PTGFRN: variants seen among roughly 807,000 people sequenced by gnomAD.
The protein encoded by PTGFRN is prostaglandin F2 receptor inhibitor, also known as prostaglandin F2 receptor negative regulator.
PTGFRN carries 35 observed loss-of-function variants against 83.2 expected under a neutral mutation model. That is an observed-to-expected ratio of 0.42 (90% confidence interval 0.32 to 0.56). The LOEUF (loss-of-function observed/expected upper bound fraction) is 0.56. Ranked by LOEUF, PTGFRN falls within the 20% of genes least tolerant of loss-of-function variation. The pLI, the probability that PTGFRN is intolerant of heterozygous loss-of-function variation, is 0.11. For missense variants in PTGFRN, 1,051 were observed against 1,179.5 expected, an observed-to-expected ratio of 0.89 and a Z score of 1.60; for synonymous variants, 519 against 498.6, an observed-to-expected ratio of 1.04 and a Z score of -0.55.
intron 1 of PTGFRN, among the ~76,000 whole-genome samples, chr1:116,913,952 A>G (rs915627012): frequency 2.0e-5 from 3 of 152,242 alleles, no homozygotes; most frequent in Admixed American, 1.3e-4. Flanking sequence ...TTAAGTGTCA[A>G]AAGCATTACA....
At chr1:116,927,247 G>T (rs1322411250) in intron 1 of PTGFRN, among the ~76,000 whole-genome samples, 1 of 152,090 alleles carries the variant, frequency 6.6e-6, no homozygotes, top group Non-Finnish European at 1.5e-5. Context: ...CCCTAACCTG[G>T]AACTACACAG....
chr1:116,934,934 G>T (rs907665556), intron 1 of PTGFRN, among the ~76,000 whole-genome samples: 2 of 152,220 alleles, frequency 1.3e-5, no homozygotes, highest in Non-Finnish European at 2.9e-5. Flanking sequence ...TATTCCAAGA[G>T]CATAGCCCTT....
intron 6 of PTGFRN, 79 bp from the exon 7 acceptor site, chr1:116,974,137 A>C: frequency 2.2e-5 from 24 of 1,079,112 alleles, no homozygotes; most frequent in Non-Finnish European, 3.3e-5. Context: ...CCACATTTTG[A>C]TGCCCCTTAG....
intron 5 of PTGFRN, 87 bp from the exon 6 acceptor site, chr1:116,966,824 T>A: frequency 7.2e-7 from 1 of 1,392,356 alleles, no homozygotes; most frequent in Non-Finnish European, 9.6e-7. Flanking sequence ...CAAATACATT[T>A]CTGTTTCTTG....
intron 2 of PTGFRN, among the ~76,000 whole-genome samples, chr1:116,943,240 A>G (rs1287222908): frequency 6.6e-6 from 1 of 152,232 alleles, no homozygotes; most frequent in African/African-American, 2.4e-5. Flanking sequence ...AGGTAATGAA[A>G]CACCCCATCT....
chr1:116,936,195 T>C (rs1401857487), intron 1 of PTGFRN, among the ~76,000 whole-genome samples: 5 of 152,126 alleles, frequency 3.3e-5, no homozygotes, highest in Non-Finnish European at 7.3e-5. Context: ...CCATATGCTC[T>C]ATTTTTTCCA....
At position 116,967,141 on chromosome 1, in the gene PTGFRN, C is replaced by T. The variant is rs764273287; in HGVS notation, c.1870C>T (p.Arg624Trp). 3.1e-6 allele frequency: 5 copies of T among 1,614,138 alleles called. No homozygotes were observed. Among genetic ancestry groups the T allele is most frequent in the South Asian group, 1.1e-5 (1 of 91,074 alleles). Residue 624 changes from arginine (R) to tryptophan (W), a missense_variant, in exon 6 of 9, where the codon CGG (arginine) becomes TGG (tryptophan). This residue lies in a region of PTGFRN where 719 missense variants were observed against 836.6 expected (regional missense o/e 0.86). Transcript: ENST00000393203. ...VKLENWTDAS[R>W]VDGVVLEKVQ... ...GCTGGAGAATTGGACAGATGCATCA[C>T]GGGTGGATGGCGTTGTTTTAGAAAA...
At chr1:116,946,733 A>G (rs926540379) in intron 3 of PTGFRN, among the ~76,000 whole-genome samples, 2 of 152,214 alleles carry the variant, frequency 1.3e-5, no homozygotes, top group Non-Finnish European at 2.9e-5. Flanking sequence ...CAGAATTAAC[A>G]TGTTTTAATT....
chr1:116,961,422 G>T lies in PTGFRN; in HGVS notation c.1393G>T (p.Ala465Ser). Residue 465 changes from alanine to serine, a missense_variant, in exon 5 of 9, where the codon GCA (alanine) becomes TCA (serine). Coordinates refer to ENST00000393203, the MANE Select transcript of PTGFRN (RefSeq NM_020440.4). The surrounding 1 kb of genome is among the most constrained non-coding windows in gnomAD (Gnocchi z 5.4). The part of the protein sequence containing the change: ...SDNVVTSELL[A>S]VMDGDWTLKY... The stretch of plus-strand genomic sequence containing the variant: ...CAATGTGGTGACCAGCGAGCTGCTT[G>T]CAGTCATGGACGGGGACTGGACGCT... The T allele has an allele frequency of 6.2e-7, 1 of 1,614,182 alleles. No individual in the cohort carries two copies. The highest frequency in any genetic ancestry group is 8.5e-7 in the Non-Finnish European group (1 of 1,180,018).
chr1:116,924,166 G>C (rs1204931199), intron 1 of PTGFRN, among the ~76,000 whole-genome samples: 2 of 35,768 alleles, frequency 5.6e-5, no homozygotes, highest in South Asian at 1.7e-3. Context: ...TTTTTTTTTT[G>C]AGACGGAGTC....
At chr1:116,927,525 CTTTTT>C (rs1171564821) in intron 1 of PTGFRN, among the ~76,000 whole-genome samples, 5 of 124,412 alleles carry the variant, frequency 4.0e-5, no homozygotes, top group African/African-American at 1.2e-4. Flanking sequence ...CCTTGCTTAC[CTTTTT>C]TTTTTTTTTT....
intron 7 of PTGFRN, 113 bp downstream of exon 7, chr1:116,974,436 C>T (rs1465179193): frequency 1.3e-6 from 1 of 793,006 alleles, no homozygotes; most frequent in Non-Finnish European, 2.1e-6. Flanking sequence ...CTATTTATCC[C>T]CTAACTGCCT....
At chr1:116,986,089 C>G (rs962593531) in intron 8 of PTGFRN, among the ~76,000 whole-genome samples, 1 of 152,148 alleles carries the variant, frequency 6.6e-6, no homozygotes, top group Non-Finnish European at 1.5e-5. Flanking sequence ...CATTTTCTCT[C>G]GTAAAATGGG....
chr1:116,924,303 C>T (rs1196124637), intron 1 of PTGFRN, among the ~76,000 whole-genome samples: 1 of 151,736 alleles, frequency 6.6e-6, no homozygotes, highest in East Asian at 1.9e-4. Flanking sequence ...CCTGCCACCA[C>T]ACCCGGCTAA....
At chr1:116,938,268 A>G (rs5001706) in intron 1 of PTGFRN, among the ~76,000 whole-genome samples, 134,813 of 152,166 alleles carry the variant, frequency 0.89, 60,153 homozygotes, top group Non-Finnish European at 0.94. Context: ...CAGCACTCTG[A>G]GAGGCCAAGG....
chr1:116,963,237 A>C (rs891446969), intron 5 of PTGFRN, among the ~76,000 whole-genome samples: 2 of 152,174 alleles, frequency 1.3e-5, no homozygotes, highest in African/African-American at 4.8e-5. Flanking sequence ...ATTATTCTGC[A>C]TTTCCTTAGT....
chr1:116,933,980 C>T (rs1363873215), intron 1 of PTGFRN, among the ~76,000 whole-genome samples: 1 of 152,186 alleles, frequency 6.6e-6, no homozygotes, highest in Non-Finnish European at 1.5e-5. Context: ...ATGCCTAATT[C>T]TACTACAGTC....
intron 1 of PTGFRN, among the ~76,000 whole-genome samples, chr1:116,922,922 T>C (rs1029765264): frequency 6.6e-6 from 1 of 152,200 alleles, no homozygotes; most frequent in Admixed American, 6.5e-5. Flanking sequence ...TCCAGTTATT[T>C]GATTCTTTGG....
At chr1:116,948,435 T>A (rs1650255162) in intron 3 of PTGFRN, among the ~76,000 whole-genome samples, 1 of 152,206 alleles carries the variant, frequency 6.6e-6, no homozygotes, top group Admixed American at 6.5e-5. Context: ...TGTTTTAGTT[T>A]TAGAATATGT....
Sources: allele counts gnomAD v4.1 joint callset (sites outside exome capture counted in the v4.1 genomes callset), GRCh38; gene constraint gnomAD v4.1.1; regional missense constraint gnomAD v4.1.1; non-coding constraint Gnocchi (gnomAD v3.1); transcripts MANE v1.5; gene names NCBI Gene and HGNC (gene_info 2026-07-23, HGNC 2026-07-21).